MOXD1: variants seen among roughly 807,000 people sequenced by gnomAD.
MOXD1 encodes DBH-like monooxygenase protein 1.
In MOXD1, 62 loss-of-function variants were observed where a neutral mutation model predicts 66.6. The observed-to-expected ratio is 0.93, with a 90% CI of 0.76 to 1.15. The LOEUF is 1.15. Among genes scored for constraint, MOXD1 ranks in the 50% most tolerant of loss-of-function variants. The pLI is 0.00. For missense variants in MOXD1, 847 were observed against 754.6 expected, an observed-to-expected ratio of 1.12 and a Z score of -1.44; for synonymous variants, 303 against 281.9, an observed-to-expected ratio of 1.07 and a Z score of -0.75.
chr6:132,380,391 A>C (rs1013754911), intron 1 of MOXD1, among the ~76,000 whole-genome samples: 5 of 152,008 alleles, frequency 3.3e-5, no homozygotes, highest in Non-Finnish European at 5.9e-5. Flanking sequence ...GCCTTTTCCC[A>C]GCTCTTTGCT....
intron 10 of MOXD1, among the ~76,000 whole-genome samples, chr6:132,303,615 T>C (rs1367117005): frequency 6.6e-6 from 1 of 150,634 alleles, no homozygotes; most frequent in Non-Finnish European, 1.5e-5. Flanking sequence ...ATAGATGCAA[T>C]TTTTTCAAAC....
intron 4 of MOXD1, among the ~76,000 whole-genome samples, chr6:132,369,782 AT>A (rs1477699266): frequency 6.6e-6 from 1 of 152,068 alleles, no homozygotes; most frequent in Non-Finnish European, 1.5e-5. Flanking sequence ...ACAGTGCAAG[AT>A]TTCATCAAGC....
chr6:132,321,520 T>C (rs676056), intron 8 of MOXD1, among the ~76,000 whole-genome samples: 27,909 of 152,148 alleles, frequency 0.18, 2,666 homozygotes, highest in Non-Finnish European at 0.21. Flanking sequence ...ACAATACATA[T>C]GGAAAATGAT....
chr6:132,309,581 G>A (rs1291982465), intron 10 of MOXD1, among the ~76,000 whole-genome samples: 1 of 152,090 alleles, frequency 6.6e-6, no homozygotes, highest in African/African-American at 2.4e-5. Context: ...TAAGCAAAAA[G>A]AACAAAGCTG....
intron 1 of MOXD1, among the ~76,000 whole-genome samples, chr6:132,400,631 C>T (rs1303653819): frequency 6.6e-6 from 1 of 152,102 alleles, no homozygotes; most frequent in Admixed American, 6.6e-5. Flanking sequence ...AGTCCCTAAG[C>T]GATTCTTAGG....
chr6:132,340,441 CTTTTT>C (rs71868555), intron 4 of MOXD1, among the ~76,000 whole-genome samples: 1 of 106,288 alleles, frequency 9.4e-6, no homozygotes, highest in Non-Finnish European at 1.9e-5. Context: ...GCAACACTTT[CTTTTT>C]TTTTTTTTTT....
chr6:132,329,503 G>A (rs765419607), intron 4 of MOXD1, among the ~76,000 whole-genome samples: 57 of 151,938 alleles, frequency 3.8e-4, no homozygotes, highest in Non-Finnish European at 6.5e-4. Flanking sequence ...GGGCACAAAC[G>A]CTCTTAGTCT....
chr6:132,366,808 A>G (rs1319454919), intron 4 of MOXD1, among the ~76,000 whole-genome samples: 1 of 152,138 alleles, frequency 6.6e-6, no homozygotes, highest in African/African-American at 2.4e-5. Flanking sequence ...TGTTGTATTA[A>G]GCCTAACGTT....
At chr6:132,383,622 T>C (rs1333560111) in intron 1 of MOXD1, among the ~76,000 whole-genome samples, 1 of 152,228 alleles carries the variant, frequency 6.6e-6, no homozygotes, top group East Asian at 1.9e-4. Context: ...TACCTTGCTA[T>C]AATTATAGAA....
intron 2 of MOXD1, 149 bp downstream of exon 2, chr6:132,374,482 A>T: frequency 1.2e-6 from 1 of 860,952 alleles, no homozygotes; most frequent in Non-Finnish European, 1.5e-6. Context: ...AAAAAAGAAA[A>T]AACTAAAAAA....
intron 10 of MOXD1, among the ~76,000 whole-genome samples, chr6:132,308,125 G>A (rs976865400): frequency 6.7e-6 from 1 of 150,038 alleles, no homozygotes; most frequent in African/African-American, 2.5e-5. Context: ...TAGATCACTA[G>A]CTAGAAAATA....
intron 4 of MOXD1, among the ~76,000 whole-genome samples, chr6:132,334,391 C>T (rs1362461318): frequency 1.3e-5 from 2 of 152,168 alleles, no homozygotes; most frequent in Admixed American, 6.5e-5. Flanking sequence ...TCCAGTTGCT[C>T]AGCCAGCCAT....
intron 4 of MOXD1, among the ~76,000 whole-genome samples, chr6:132,367,671 A>T (rs1214553066): frequency 6.6e-6 from 1 of 152,114 alleles, no homozygotes. Context: ...AGTTGAGTTT[A>T]TTAATAGTTT....
In MOXD1 at chr6:132,401,395, C is replaced by G. The variant is rs756376934; in HGVS notation, c.32G>C (p.Gly11Ala). 1.3e-6 allele frequency: 2 copies of G among 1,529,120 alleles called. No individual in the cohort carries two copies. Among genetic ancestry groups the G allele is most frequent in the Non-Finnish European group, 1.7e-6 (2 of 1,143,892 alleles). The allele number at this position is 1,529,120 out of a possible 1,614,324, so 94.7% of individuals were successfully genotyped here. A position where few individuals can be genotyped will look rare whatever the true frequency, so the allele number is the denominator to read the frequency against. Reference protein sequence around the residue: MCCWPLLLLWGLLPGTAAGGS... With the variant: MCCWPLLLLWALLPGTAAGGS... The stretch of plus-strand genomic sequence containing the variant: ...CCCCGCCGCCGTCCCGGGGAGCAGC[C>G]CCCACAGCAGGAGCAGCGGCCAGCA... Residue 11 changes from glycine to alanine, a missense_variant, in exon 1 of 12, where the codon GGG becomes GCG. Transcript: ENST00000367963.
chr6:132,396,896 A>G (rs914492577), intron 1 of MOXD1, among the ~76,000 whole-genome samples: 2 of 152,224 alleles, frequency 1.3e-5, no homozygotes, highest in Non-Finnish European at 2.9e-5. Context: ...CTCCCCCAAC[A>G]TAGAAAGTCC....
intron 1 of MOXD1, among the ~76,000 whole-genome samples, chr6:132,384,464 GGACA>G (rs1195474017): frequency 6.6e-6 from 1 of 152,094 alleles, no homozygotes; most frequent in Non-Finnish European, 1.5e-5. Context: ...TAGTTGGGGG[GGACA>G]GACAATTTCT....
chr6:132,381,255 T>C (rs1039571830), intron 1 of MOXD1, among the ~76,000 whole-genome samples: 3 of 152,228 alleles, frequency 2.0e-5, no homozygotes, highest in Non-Finnish European at 4.4e-5. Context: ...CATCTGATAT[T>C]CACAGCTTTG....
intron 1 of MOXD1, among the ~76,000 whole-genome samples, chr6:132,376,463 C>T (rs1258147193): frequency 6.7e-6 from 1 of 149,466 alleles, no homozygotes; most frequent in Non-Finnish European, 1.5e-5. Context: ...CAGAGTCTAA[C>T]TCACCTTTCT....
intron 4 of MOXD1, among the ~76,000 whole-genome samples, chr6:132,331,433 G>A (rs571506521): frequency 1.3e-5 from 2 of 152,118 alleles, no homozygotes; most frequent in Admixed American, 1.3e-4. Context: ...TGTGATGCTG[G>A]GTGGTGCTTG....
Sources: gnomAD v4.1 joint callset for allele counts (sites outside exome capture counted in the v4.1 genomes callset) on GRCh38, gnomAD v4.1.1 for gene constraint, MANE v1.5 for transcripts, NCBI Gene and HGNC (gene_info 2026-07-23, HGNC 2026-07-21) for gene names.